SCHIP1: variants seen among roughly 807,000 people sequenced by gnomAD.
SCHIP1 encodes schwannomin interacting protein 1, also known as schwannomin-interacting protein 1.
A neutral mutation model predicts 29.7 loss-of-function variants in SCHIP1; 8 were observed. The ratio of observed to expected loss-of-function variants is 0.27; its 90% CI spans 0.16 to 0.49. The LOEUF is 0.49. Ranked by LOEUF, SCHIP1 falls within the 20% of genes least tolerant of loss-of-function variation. The pLI is 0.99. For synonymous variants in SCHIP1, 76 were observed against 94.9 expected (o/e 0.80, Z 1.16); for missense variants, 193 against 294.6 (o/e 0.66, Z 2.52).
At chr3:159,606,267 A>G in the SCHIP1 span, among the ~76,000 whole-genome samples, 1 of 152,222 alleles carries the variant, frequency 6.6e-6, no homozygotes, top group Non-Finnish European at 1.5e-5. Context: ...ATACATTTAT[A>G]TCATAAAAGA....
the SCHIP1 span, among the ~76,000 whole-genome samples, chr3:159,527,613 A>C: frequency 6.6e-6 from 1 of 152,206 alleles, no homozygotes; most frequent in Non-Finnish European, 1.5e-5. Context: ...TTTTTGACTT[A>C]AGGTGTTATC....
chr3:159,623,003 GT>G, the SCHIP1 span, among the ~76,000 whole-genome samples: 2 of 152,158 alleles, frequency 1.3e-5, no homozygotes, highest in Non-Finnish European at 2.9e-5. Context: ...ATTCAAAAAT[GT>G]TTGTTGTAGT....
chr3:159,374,973 T>C, the SCHIP1 span, among the ~76,000 whole-genome samples: 3 of 152,260 alleles, frequency 2.0e-5, no homozygotes, highest in East Asian at 5.8e-4. Context: ...TTATAAACTA[T>C]AAGTTTTTAT....
the SCHIP1 span, among the ~76,000 whole-genome samples, chr3:159,517,334 G>A: frequency 3.3e-5 from 5 of 152,170 alleles, no homozygotes; most frequent in East Asian, 9.6e-4. Context: ...AGAAAGATAA[G>A]TGTTTCCAAA....
chr3:159,427,411 CAGAG>C, the SCHIP1 span, among the ~76,000 whole-genome samples: 2 of 151,454 alleles, frequency 1.3e-5, no homozygotes, highest in Non-Finnish European at 1.5e-5. Flanking sequence ...CAATAACAGA[CAGAG>C]AGCCAAATCA....
At chr3:159,510,602 T>C in the SCHIP1 span, among the ~76,000 whole-genome samples, 2 of 152,218 alleles carry the variant, frequency 1.3e-5, no homozygotes, top group African/African-American at 4.8e-5. Context: ...TGTGGTTTTA[T>C]CTACCTTTGG....
chr3:159,830,815 C>A, the SCHIP1 span, among the ~76,000 whole-genome samples: 1 of 152,186 alleles, frequency 6.6e-6, no homozygotes, highest in East Asian at 1.9e-4. Context: ...TCACACAGTT[C>A]TTTACCTCTA....
chr3:159,864,847 G>T (rs531196547), intron 1 of SCHIP1, among the ~76,000 whole-genome samples: 1 of 152,240 alleles, frequency 6.6e-6, no homozygotes, highest in East Asian at 1.9e-4. Flanking sequence ...CACCTGTGAT[G>T]GTTGAGCTCT....
the SCHIP1 span, among the ~76,000 whole-genome samples, chr3:159,313,636 A>C: frequency 6.6e-6 from 1 of 152,182 alleles, no homozygotes; most frequent in Non-Finnish European, 1.5e-5. Flanking sequence ...GTAGCCAGGT[A>C]CAGTTATCAA....
the SCHIP1 span, among the ~76,000 whole-genome samples, chr3:159,623,827 T>G: frequency 1.3e-4 from 20 of 152,122 alleles, no homozygotes; most frequent in African/African-American, 4.8e-4. Flanking sequence ...CTGCCTTAAT[T>G]TAAAAAGAAT....
the SCHIP1 span, among the ~76,000 whole-genome samples, chr3:159,463,437 T>G: frequency 6.6e-6 from 1 of 152,086 alleles, no homozygotes; most frequent in African/African-American, 2.4e-5. Flanking sequence ...ACTTGCCAAG[T>G]ACTCTGTTTG....
intron 1 of SCHIP1, among the ~76,000 whole-genome samples, chr3:159,842,997 CTTTCTTTTTTTTTTTTTTTT>C (rs1744391713): frequency 1.6e-5 from 1 of 61,742 alleles, no homozygotes; most frequent in Non-Finnish European, 3.5e-5. Context: ...CCCAATATTT[CTTTCTTTTTTTTTTTTTTTT>C]TTTTTTTTTT....
At chr3:159,508,080 G>C in the SCHIP1 span, among the ~76,000 whole-genome samples, 2 of 152,170 alleles carry the variant, frequency 1.3e-5, no homozygotes, top group African/African-American at 4.8e-5. Context: ...GAATTCGGCT[G>C]TGAATCCGTC....
the SCHIP1 span, among the ~76,000 whole-genome samples, chr3:159,510,507 G>A: frequency 6.6e-6 from 1 of 152,316 alleles, no homozygotes; most frequent in Middle Eastern, 3.4e-3. Context: ...TCCGTTGCTG[G>A]TAAGGAGCTG....
At chr3:159,384,020 G>C in the SCHIP1 span, among the ~76,000 whole-genome samples, 1 of 151,278 alleles carries the variant, frequency 6.6e-6, no homozygotes, top group Non-Finnish European at 1.5e-5. Flanking sequence ...TGAGACAATG[G>C]GGTTTTCTAG....
chr3:159,297,412 A>G, the SCHIP1 span, among the ~76,000 whole-genome samples: 1 of 151,990 alleles, frequency 6.6e-6, no homozygotes, highest in African/African-American at 2.4e-5. Context: ...TTACATTTCC[A>G]CTAACAGTTG....
the SCHIP1 span, among the ~76,000 whole-genome samples, chr3:159,358,920 CTTTTTTTT>C: frequency 1.0e-5 from 1 of 96,546 alleles, no homozygotes; most frequent in Non-Finnish European, 2.0e-5. Flanking sequence ...TATTAGCATC[CTTTTTTTT>C]TTTTTTTTTT....
the SCHIP1 span, among the ~76,000 whole-genome samples, chr3:159,402,885 A>G: frequency 1.3e-5 from 2 of 152,128 alleles, no homozygotes; most frequent in African/African-American, 4.8e-5. Context: ...TACATATGTA[A>G]CAAACCTGCA....
chr3:159,681,128 T>G, the SCHIP1 span, among the ~76,000 whole-genome samples: 189 of 152,188 alleles, frequency 1.2e-3, no homozygotes, highest in African/African-American at 4.5e-3. Context: ...TTGGTATGTG[T>G]CTGTTAATCT....
Sources: allele counts gnomAD v4.1 joint callset (sites outside exome capture counted in the v4.1 genomes callset), GRCh38; gene constraint gnomAD v4.1.1; transcripts MANE v1.5; gene names NCBI Gene and HGNC (gene_info 2026-07-23, HGNC 2026-07-21).